BRINP3: variants seen among roughly 807,000 people sequenced by gnomAD.
BRINP3 encodes BMP/retinoic acid-inducible neural-specific protein 3.
A neutral mutation model predicts 71.0 loss-of-function variants in BRINP3; 19 were observed. The ratio of observed to expected loss-of-function variants is 0.27; its 90% CI spans 0.19 to 0.39. The LOEUF (loss-of-function observed/expected upper bound fraction) is 0.39. BRINP3 is among the 10% of genes least tolerant of loss of function. The probability of loss-of-function intolerance (pLI) is 1.00; values close to 1 mark genes in which losing one functional copy is unlikely to be tolerated. For synonymous variants in BRINP3, 380 were observed against 337.7 expected, an observed-to-expected ratio of 1.13 and a Z score of -1.37; for missense variants, 959 against 940.8, an observed-to-expected ratio of 1.02 and a Z score of -0.25.
At chr1:190,231,839 G>A (rs1039582903) in intron 5 of BRINP3, among the ~76,000 whole-genome samples, 2 of 151,710 alleles carry the variant, frequency 1.3e-5, no homozygotes, top group African/African-American at 4.8e-5. Flanking sequence ...AAATCTTAGA[G>A]TTCTGTTCTG....
At chr1:190,428,604 A>G (rs1471588589) in intron 2 of BRINP3, among the ~76,000 whole-genome samples, 2 of 152,116 alleles carry the variant, frequency 1.3e-5, no homozygotes, top group African/African-American at 4.8e-5. Flanking sequence ...TCTTTCAATT[A>G]CTTCCATCAG....
intron 1 of BRINP3, among the ~76,000 whole-genome samples, chr1:190,469,322 G>A (rs1036731144): frequency 2.0e-5 from 3 of 150,728 alleles, no homozygotes; most frequent in African/African-American, 7.3e-5. Flanking sequence ...GAACTGGTCT[G>A]GATGAATAAT....
At chr1:190,164,584 T>C (rs966983548) in intron 6 of BRINP3, among the ~76,000 whole-genome samples, 1 of 152,102 alleles carries the variant, frequency 6.6e-6, no homozygotes, top group African/African-American at 2.4e-5. Context: ...GTTTCAGACA[T>C]TGATTTTTTA....
At chr1:190,177,599 A>G (rs1433174302) in intron 6 of BRINP3, among the ~76,000 whole-genome samples, 2 of 152,166 alleles carry the variant, frequency 1.3e-5, no homozygotes, top group Non-Finnish European at 2.9e-5. Context: ...AAATTATTGA[A>G]AAAAAGAAAG....
At chr1:190,396,517 T>A (rs1380473108) in intron 2 of BRINP3, among the ~76,000 whole-genome samples, 1 of 151,236 alleles carries the variant, frequency 6.6e-6, no homozygotes, top group East Asian at 1.9e-4. Context: ...AACGACCAAC[T>A]TACCAGCCAT....
chr1:190,118,867 T>G (rs758687843), intron 7 of BRINP3, among the ~76,000 whole-genome samples: 1 of 152,202 alleles, frequency 6.6e-6, no homozygotes, highest in Non-Finnish European at 1.5e-5. Context: ...TATTCATTCG[T>G]TTAGTAATTC....
chr1:190,267,009 C>G (rs1421067178), intron 3 of BRINP3, among the ~76,000 whole-genome samples: 1 of 152,104 alleles, frequency 6.6e-6, no homozygotes, highest in East Asian at 1.9e-4. Context: ...GTTGCTTTAA[C>G]AGCAACACTT....
chr1:190,290,931 G>T (rs1252905109), intron 2 of BRINP3, among the ~76,000 whole-genome samples: 1 of 151,680 alleles, frequency 6.6e-6, no homozygotes, highest in African/African-American at 2.4e-5. Context: ...GTGTATTTGT[G>T]GGAAGCATGG....
intron 7 of BRINP3, among the ~76,000 whole-genome samples, chr1:190,111,200 A>AC (rs1484714995): frequency 1.4e-5 from 2 of 145,818 alleles, no homozygotes; most frequent in African/African-American, 2.8e-5. Flanking sequence ...AAAAAAAAAA[A>AC]AAAAAAAACT....
chr1:190,358,606 A>G (rs1668905730), intron 2 of BRINP3, among the ~76,000 whole-genome samples: 1 of 152,172 alleles, frequency 6.6e-6, no homozygotes, highest in African/African-American at 2.4e-5. Context: ...CAGTGTGGCG[A>G]TTCCTCAAGG....
intron 4 of BRINP3, among the ~76,000 whole-genome samples, chr1:190,257,696 T>C (rs951158753): frequency 6.6e-6 from 1 of 152,174 alleles, no homozygotes; most frequent in Non-Finnish European, 1.5e-5. Flanking sequence ...TTGATGATAT[T>C]CCTTTCTGTT....
chr1:190,429,047 C>A (rs1673913277), intron 2 of BRINP3, among the ~76,000 whole-genome samples: 1 of 151,996 alleles, frequency 6.6e-6, no homozygotes, highest in Non-Finnish European at 1.5e-5. Flanking sequence ...GCTGCTTTAG[C>A]TACTTTACAT....
intron 2 of BRINP3, among the ~76,000 whole-genome samples, chr1:190,365,803 AGT>A (rs200522719): frequency 1.8e-5 from 1 of 55,366 alleles, no homozygotes; most frequent in Non-Finnish European, 4.1e-5. Context: ...TGAGAGAGCA[AGT>A]GTATATATAT....
At chr1:190,408,434 G>T (rs528263632) in intron 2 of BRINP3, among the ~76,000 whole-genome samples, 2 of 151,994 alleles carry the variant, frequency 1.3e-5, no homozygotes, top group Admixed American at 1.3e-4. Flanking sequence ...ATGTAATTAT[G>T]AATAATATAC....
intron 7 of BRINP3, among the ~76,000 whole-genome samples, chr1:190,099,735 A>T (rs752593871): frequency 2.0e-5 from 3 of 152,194 alleles, no homozygotes; most frequent in Non-Finnish European, 4.4e-5. Context: ...CACTCAAAGA[A>T]ATATTAAAAC....
At chr1:190,287,943 AAG>A (rs1195618800) in intron 2 of BRINP3, among the ~76,000 whole-genome samples, 1 of 152,146 alleles carries the variant, frequency 6.6e-6, no homozygotes. Flanking sequence ...TATGCAAACT[AAG>A]AGAAATACAA....
intron 4 of BRINP3, among the ~76,000 whole-genome samples, chr1:190,235,490 T>A (rs183983469): frequency 6.6e-6 from 1 of 152,222 alleles, no homozygotes; most frequent in East Asian, 1.9e-4. Flanking sequence ...TACAATCATT[T>A]AATGGTTTCC....
intron 6 of BRINP3, among the ~76,000 whole-genome samples, chr1:190,193,533 T>A (rs1290033979): frequency 6.6e-6 from 1 of 152,024 alleles, no homozygotes; most frequent in Non-Finnish European, 1.5e-5. Context: ...CATGTACTAA[T>A]CCCTGGAACT....
At chr1:190,442,815 T>G (rs1337643158) in intron 2 of BRINP3, among the ~76,000 whole-genome samples, 1 of 151,404 alleles carries the variant, frequency 6.6e-6, no homozygotes, top group Non-Finnish European at 1.5e-5. Context: ...TGTGTGTGTG[T>G]GTGTGTGTGT....
Sources: allele counts gnomAD v4.1 joint callset (sites outside exome capture counted in the v4.1 genomes callset), GRCh38; gene constraint gnomAD v4.1.1; transcripts MANE v1.5; gene names NCBI Gene and HGNC (gene_info 2026-07-23, HGNC 2026-07-21).